GLUD1: variants seen among roughly 807,000 people sequenced by gnomAD.
GLUD1 encodes the protein glutamate dehydrogenase 1.
In GLUD1, 22 loss-of-function variants were observed where a neutral mutation model predicts 56.0. That is an observed-to-expected ratio of 0.39 (90% confidence interval 0.28 to 0.56). The LOEUF is 0.56. Among genes scored for constraint, GLUD1 ranks in the 20% least tolerant of loss-of-function variants. The probability of loss-of-function intolerance (pLI) is 0.58; values close to 1 mark genes in which losing one functional copy is unlikely to be tolerated. For synonymous variants in GLUD1, 223 were observed against 269.9 expected (o/e 0.83, Z 1.70); for missense variants, 451 against 732.0 (o/e 0.62, Z 4.43).
chr10:87,052,669 C>CAAAAA (rs751155208), intron 12 of GLUD1, among the ~76,000 whole-genome samples: 2 of 41,722 alleles, frequency 4.8e-5, no homozygotes, highest in Non-Finnish European at 9.4e-5. Context: ...AACTCCGTCT[C>CAAAAA]AAAAAAAAAA....
At position 87,060,170 on chromosome 10, in the gene GLUD1, C is replaced by A; in HGVS notation, c.1269G>T (p.Met423Ile). Residue 423 changes from methionine (M) to isoleucine (I), a missense_variant, in exon 9 of 13, where the codon ATG becomes ATT. This residue lies in a region of GLUD1 where 248 missense variants were observed against 460.0 expected (regional missense o/e 0.54). Transcript: ENST00000277865. ...ADKIFLERNI[M>I]VIPDLYLNAG... ...AATATAGATGACTTACTGGAATAACCATAATGTTTCTCTCCAGGAAGATCT... is the reference window on the plus strand; with the variant it reads ...AATATAGATGACTTACTGGAATAACAATAATGTTTCTCTCCAGGAAGATCT... 1.3e-6 allele frequency: 2 copies of A among 1,595,688 alleles called. No homozygotes were observed. Among genetic ancestry groups the A allele is most frequent in the Non-Finnish European group, 1.7e-6 (2 of 1,163,240 alleles).
intron 5 of GLUD1, among the ~76,000 whole-genome samples, chr10:87,063,884 CTT>C (rs879765266): frequency 1.4e-5 from 2 of 145,306 alleles, no homozygotes; most frequent in African/African-American, 2.5e-5. Context: ...CTTTCTTTGT[CTT>C]TTTTTTTTTT....
At chr10:87,081,353 C>T (rs993125564) in intron 1 of GLUD1, among the ~76,000 whole-genome samples, 7 of 151,262 alleles carry the variant, frequency 4.6e-5, no homozygotes, top group African/African-American at 1.7e-4. Flanking sequence ...CAGCCAGCCG[C>T]CCTGTCCGGG....
At chr10:87,052,344 C>T (rs966704227) in intron 12 of GLUD1, among the ~76,000 whole-genome samples, 1 of 151,646 alleles carries the variant, frequency 6.6e-6, no homozygotes, top group South Asian at 2.1e-4. Flanking sequence ...AAAAATTAAC[C>T]GGGTGTGGGG....
intron 1 of GLUD1, chr10:87,089,600 T>TGAA (rs1371506785): frequency 1.0e-6 from 1 of 985,076 alleles, no homozygotes; most frequent in African/African-American, 1.7e-5. Flanking sequence ...AGGCAGAATG[T>TGAA]GTGTGGCTGC....
chr10:87,078,582 A>G (rs1288745083), intron 1 of GLUD1, among the ~76,000 whole-genome samples: 1 of 152,234 alleles, frequency 6.6e-6, no homozygotes, highest in East Asian at 1.9e-4. Context: ...ACTCAAATAC[A>G]TGCCGAATTA....
Position 87,094,332 on chromosome 10 carries a change from G to A in GLUD1, c.438C>T (p.Cys146=). 1 of 1,608,470 alleles carries A rather than the reference G, an allele frequency of 6.2e-7. No individual in the cohort carries two copies. The highest frequency in any genetic ancestry group is 8.5e-7 in the Non-Finnish European group (1 of 1,178,208). The change falls in exon 1 of 13, where the codon TGC becomes TGT. Residue 146 remains cysteine (C), a synonymous_variant. Transcript: ENST00000277865. The surrounding 1 kb of genome is among the most constrained non-coding windows in gnomAD (Gnocchi z 6.6). The part of the protein sequence containing the change: ...RAQHSQHRTP[C]KGGIRYSTDV... ...GGCCCGGCCGACGCTCACCTCCCTTGCAGGGCGTGCGGTGCTGGCTGTGCT... is the reference window on the plus strand; with the variant it reads ...GGCCCGGCCGACGCTCACCTCCCTTACAGGGCGTGCGGTGCTGGCTGTGCT...
At chr10:87,075,816 A>G in intron 3 of GLUD1, 152 bp downstream of exon 3, 1 of 680,992 alleles carries the variant, frequency 1.5e-6, no homozygotes, top group Middle Eastern at 2.6e-4. Flanking sequence ...CAGTTACTGG[A>G]TCAAGGAGAA....
At chr10:87,061,515 A>G (rs991324719) in intron 6 of GLUD1, among the ~76,000 whole-genome samples, 8 of 152,180 alleles carry the variant, frequency 5.3e-5, no homozygotes, top group African/African-American at 1.9e-4. Context: ...ATCTCAATCA[A>G]TCAATAAATG....
At chr10:87,084,610 C>A (rs1333671422) in intron 1 of GLUD1, among the ~76,000 whole-genome samples, 1 of 152,112 alleles carries the variant, frequency 6.6e-6, no homozygotes, top group Non-Finnish European at 1.5e-5. Context: ...TAGTCATTAA[C>A]AAAACATTTA....
At chr10:87,079,321 G>C (rs575708506) in intron 1 of GLUD1, among the ~76,000 whole-genome samples, 1 of 150,668 alleles carries the variant, frequency 6.6e-6, no homozygotes, top group Non-Finnish European at 1.5e-5. Flanking sequence ...GCGTGTAGTC[G>C]AAGATGCTCA....
chr10:87,065,632 G>A (rs976324014), intron 5 of GLUD1, among the ~76,000 whole-genome samples: 7 of 152,264 alleles, frequency 4.6e-5, no homozygotes, highest in African/African-American at 1.7e-4. Context: ...CTGTCCTTTT[G>A]GGAAGGGCAG....
intron 4 of GLUD1, among the ~76,000 whole-genome samples, chr10:87,072,424 G>A (rs1040149726): frequency 2.6e-5 from 4 of 152,146 alleles, no homozygotes; most frequent in African/African-American, 7.2e-5. Context: ...TCAGGTCTGA[G>A]CCTCAATCTG....
chr10:87,087,380 G>C (rs1262082482), intron 1 of GLUD1, among the ~76,000 whole-genome samples: 2 of 152,110 alleles, frequency 1.3e-5, no homozygotes, highest in Non-Finnish European at 2.9e-5. Flanking sequence ...TCCATTATGA[G>C]GGCATGACTG....
At position 87,057,743 on chromosome 10, in the gene GLUD1, T is replaced by C. The variant is rs1169592069; in HGVS notation, c.1442A>G (p.His481Arg). The stretch of plus-strand genomic sequence containing the variant: ...GGGTACAATGGGAATAGTTCCACCA[T>C]GCTTTCCAAATTTTCTTTCTAAACT... ...QESLERKFGK[H>R]GGTIPIVPTA... Residue 481 changes from histidine (H) to arginine (R), a missense_variant, in exon 11 of 13, where the codon CAT becomes CGT. Physicochemically the swap from His to Arg is conservative, Grantham distance 29. Coordinates refer to ENST00000277865, the MANE Select transcript of GLUD1 (RefSeq NM_005271.5). 1.9e-6 allele frequency: 3 copies of C among 1,597,824 alleles called. No homozygotes were observed. Among genetic ancestry groups the C allele is most frequent in the Non-Finnish European group, 2.6e-6 (3 of 1,165,706 alleles).
At chr10:87,062,987 C>A in intron 5 of GLUD1, 152 bp from the exon 6 acceptor site, 1 of 703,302 alleles carries the variant, frequency 1.4e-6, no homozygotes, top group Non-Finnish European at 2.5e-6. Flanking sequence ...ATACTTTTAC[C>A]AATAGAGACA....
intron 1 of GLUD1, among the ~76,000 whole-genome samples, chr10:87,081,007 CGGGA>C (rs1328632769): frequency 1.6e-5 from 2 of 128,608 alleles, no homozygotes; most frequent in Non-Finnish European, 3.4e-5. Context: ...CCGCCCCGTC[CGGGA>C]GGGAGGTGGG....
intron 4 of GLUD1, among the ~76,000 whole-genome samples, chr10:87,073,661 C>T (rs1315905211): frequency 7.6e-6 from 1 of 132,144 alleles, no homozygotes; most frequent in African/African-American, 3.0e-5. Context: ...CTCTGTTGCC[C>T]AGGCTGGGGT....
At chr10:87,079,554 A>G (rs1841146617) in intron 1 of GLUD1, among the ~76,000 whole-genome samples, 2 of 152,248 alleles carry the variant, frequency 1.3e-5, no homozygotes, top group Admixed American at 6.5e-5. Context: ...ACACTAAGCC[A>G]GGGAAATGGT....
Sources: gnomAD v4.1 joint callset for allele counts (sites outside exome capture counted in the v4.1 genomes callset) on GRCh38, gnomAD v4.1.1 for gene constraint, gnomAD v4.1.1 regional missense constraint, Gnocchi (gnomAD v3.1) non-coding constraint, MANE v1.5 for transcripts, NCBI Gene and HGNC (gene_info 2026-07-23, HGNC 2026-07-21) for gene names.